The following TTC4 variants were observed in gnomAD, a reference collection of about 807,000 sequenced individuals.
The protein encoded by TTC4 is hsp70/Hsp90 co-chaperone CNS1 homolog.
TTC4 carries 36 observed loss-of-function variants against 51.9 expected under a neutral mutation model. The observed-to-expected ratio is 0.69, with a 90% CI of 0.53 to 0.92. The LOEUF is 0.92. Ranked by LOEUF, TTC4 falls within the 40% of genes least tolerant of loss-of-function variation. TTC4 has a pLI of 0.00. For missense variants in TTC4, 399 were observed against 454.6 expected (o/e 0.88, Z 1.11); for synonymous variants, 144 against 164.2 (o/e 0.88, Z 0.94).
Position 54,741,737 on chromosome 1 carries a change from C to T in TTC4, c.*224C>T. ...GTTGATATAAAACTCTGGGTCTTGGCCATGATGTCCTTGGACTCCATCGCT... is the reference window on the plus strand; with the variant it reads ...GTTGATATAAAACTCTGGGTCTTGGTCATGATGTCCTTGGACTCCATCGCT... On this transcript the variant is annotated 3_prime_UTR_variant, in exon 10 of 10. Coordinates refer to ENST00000371281, the MANE Select transcript of TTC4 (RefSeq NM_004623.5). The T allele has an allele frequency of 1.7e-6, 1 of 571,862 alleles. No individual in the cohort carries two copies. The highest frequency in any genetic ancestry group is 2.2e-5 in the South Asian group (1 of 45,944). The allele number at this position is 571,862 out of a possible 1,614,324, so 35.4% of individuals were successfully genotyped here.
chr1:54,733,743 ATTAATTTTTTTT>A (rs1243923909), intron 8 of TTC4, 33 bp downstream of exon 8: 6 of 1,121,742 alleles, frequency 5.3e-6, no homozygotes, highest in East Asian at 2.6e-5. Context: ...CCTCTATGGA[ATTAATTTTTTTT>A]TTTTTTTTTT....
intron 7 of TTC4, among the ~76,000 whole-genome samples, chr1:54,732,490 G>A (rs776868843): frequency 2.8e-4 from 41 of 146,538 alleles, no homozygotes; most frequent in Non-Finnish European, 3.3e-4. Context: ...ACCAAGTCTC[G>A]CTCTGTTGCC....
intron 1 of TTC4, 71 bp downstream of exon 1, chr1:54,716,090 G>C (rs959777508): frequency 4.8e-6 from 6 of 1,250,650 alleles, no homozygotes; most frequent in Non-Finnish European, 6.8e-6. Flanking sequence ...CGGGCTCTGG[G>C]GCACCTCCTT....
At chr1:54,736,213 A>T (rs1221626207) in intron 8 of TTC4, among the ~76,000 whole-genome samples, 2,542 of 102,698 alleles carry the variant, frequency 0.025, 294 homozygotes, top group East Asian at 0.08. Context: ...AGAGAGAGAG[A>T]GAGAGAGAGA....
At chr1:54,736,158 AGAGAGAAAGAAAGAAAG>A (rs1645929793) in intron 8 of TTC4, among the ~76,000 whole-genome samples, 2 of 138,412 alleles carry the variant, frequency 1.4e-5, no homozygotes, top group African/African-American at 3.0e-5. Flanking sequence ...GGGGAGAAAG[AGAGAGAAAGAAAGAAAG>A]GAGAGAGAGA....
rs537475373 is a variant in TTC4, at chr1:54,731,534, G to T, written c.730G>T (p.Ala244Ser). The T allele has an allele frequency of 1.9e-6, 3 of 1,614,008 alleles. No homozygotes were observed. The South Asian group carries it at 3.3e-5, about 18-fold the overall frequency. The change falls in exon 7 of 10, where the codon GCC becomes TCC. Residue 244 changes from alanine (A) to serine (S), a missense_variant. Ala to Ser is a moderately conservative substitution (Grantham distance 99). This residue lies in a region of TTC4 where 316 missense variants were observed against 349.6 expected (regional missense o/e 0.90). Coordinates refer to ENST00000371281, the MANE Select transcript of TTC4 (RefSeq NM_004623.5). ...SEAACEDEDS[A>S]SEGLGELFLD... is the part of the protein sequence containing the mutation. ...AGCTGCCTGTGAGGATGAAGATTCA[G>T]CCTCAGAAGGTCTAGGTGAGCTTTT...
intron 1 of TTC4, 126 bp downstream of exon 1, chr1:54,716,145 T>A: frequency 1.3e-6 from 1 of 782,636 alleles, no homozygotes; most frequent in South Asian, 1.7e-5. Flanking sequence ...TGGTTTCTAG[T>A]TGAGTATTGA....
chr1:54,716,969 T>C (rs1315158674), intron 2 of TTC4, among the ~76,000 whole-genome samples: 1 of 152,238 alleles, frequency 6.6e-6, no homozygotes, highest in Non-Finnish European at 1.5e-5. Flanking sequence ...GACAAACTTA[T>C]GCTATAAGTG....
intron 5 of TTC4, among the ~76,000 whole-genome samples, chr1:54,723,050 C>T (rs1035160280): frequency 6.6e-6 from 1 of 152,168 alleles, no homozygotes; most frequent in Non-Finnish European, 1.5e-5. Flanking sequence ...AATGATGGAA[C>T]TCCGTATATA....
chr1:54,732,058 G>A (rs955534063), intron 7 of TTC4, among the ~76,000 whole-genome samples: 4 of 152,048 alleles, frequency 2.6e-5, no homozygotes, highest in East Asian at 1.9e-4. Context: ...GAGGCTGGGC[G>A]CTGTGGCTTA....
chr1:54,740,015 G>A (rs557013810), intron 9 of TTC4, among the ~76,000 whole-genome samples: 123 of 152,236 alleles, frequency 8.1e-4, no homozygotes, highest in African/African-American at 2.8e-3. Flanking sequence ...GCGAGATCCC[G>A]TCTCTATAGA....
rs200034551 is a variant in TTC4 at position 54,737,553 on chromosome 1, T to C, written c.979-29T>C. The C allele has an allele frequency of 2.7e-3, 4,345 of 1,609,834 alleles. 14 individuals are homozygous for C. The highest frequency in any genetic ancestry group is 3.2e-3 in the Non-Finnish European group (3,810 of 1,177,364). ...CTAAGGCTGCCGAAGCCTTTATCTCTGACTCTTGCCCTTCTGTTAATCTTG... is the reference window on the plus strand; with the variant it reads ...CTAAGGCTGCCGAAGCCTTTATCTCCGACTCTTGCCCTTCTGTTAATCTTG... On this transcript the variant is annotated intron_variant, in intron 8 of 9. Coordinates refer to ENST00000371281, the MANE Select transcript of TTC4 (RefSeq NM_004623.5).
At chr1:54,740,716 G>C (rs1646000830) in intron 9 of TTC4, among the ~76,000 whole-genome samples, 1 of 152,104 alleles carries the variant, frequency 6.6e-6, no homozygotes, top group Non-Finnish European at 1.5e-5. Context: ...CCCAAAGCAG[G>C]CCCACTGAGT....
Position 54,741,543 on chromosome 1 carries a change from T to C in TTC4, c.*30T>C, listed in dbSNP as rs41297863. The stretch of plus-strand genomic sequence containing the variant: ...GCCAGGGCCCCTGGATCTCCTCCCT[T>C]ACCCTCCTCTGCTGGGAACCTAGCA... On this transcript the variant is annotated 3_prime_UTR_variant, in exon 10 of 10. Coordinates refer to ENST00000371281, the MANE Select transcript of TTC4 (RefSeq NM_004623.5). 0.073 allele frequency: 114,571 copies of C among 1,566,366 alleles called. 6,883 individuals are homozygous for C. Among genetic ancestry groups the C allele is most frequent in the African/African-American group, 0.27 (19,797 of 73,964 alleles).
chr1:54,736,195 AGAG>A (rs1557752787), intron 8 of TTC4, among the ~76,000 whole-genome samples: 1 of 131,622 alleles, frequency 7.6e-6, no homozygotes. Flanking sequence ...AGAGAGAGAG[AGAG>A]AGAGAGAGAG....
Position 54,741,545 on chromosome 1 carries a change from C to T in TTC4, c.*32C>T, listed in dbSNP as rs1470427940. 1.9e-6 allele frequency: 3 copies of T among 1,564,446 alleles called. No individual in the cohort carries two copies. Among genetic ancestry groups the T allele is most frequent in the African/African-American group, 2.7e-5 (2 of 73,760 alleles). On this transcript the variant is annotated 3_prime_UTR_variant, in exon 10 of 10. Coordinates refer to ENST00000371281, the MANE Select transcript of TTC4 (RefSeq NM_004623.5). ...CAGGGCCCCTGGATCTCCTCCCTTACCCTCCTCTGCTGGGAACCTAGCACA... is the reference window on the plus strand; with the variant it reads ...CAGGGCCCCTGGATCTCCTCCCTTATCCTCCTCTGCTGGGAACCTAGCACA...
intron 4 of TTC4, 38 bp from the exon 5 acceptor site, chr1:54,722,637 A>C: frequency 1.9e-6 from 3 of 1,606,356 alleles, no homozygotes; most frequent in Non-Finnish European, 2.5e-6. Flanking sequence ...CTTTCCATGC[A>C]TGTTTTTCTT....
Position 54,731,620 on chromosome 1 carries a change from C to T in TTC4, c.816C>T (p.Gly272=). ...HGARLSLDGQ[G]RLSWPVLFLY... ...CCAGGCTGAGTCTAGATGGCCAGGGCAGGCTGAGCTGGCCTGTGCTCTTTC... is the reference window on the plus strand; with the variant it reads ...CCAGGCTGAGTCTAGATGGCCAGGGTAGGCTGAGCTGGCCTGTGCTCTTTC... The change falls in exon 7 of 10, where the codon GGC becomes GGT. Residue 272 remains glycine, a synonymous_variant. Coordinates refer to ENST00000371281, the MANE Select transcript of TTC4 (RefSeq NM_004623.5). 1 of 1,614,114 alleles carries T rather than the reference C, an allele frequency of 6.2e-7. No individual in the cohort carries two copies. Among genetic ancestry groups the T allele is most frequent in the Non-Finnish European group, 8.5e-7 (1 of 1,180,032 alleles).
At chr1:54,719,896 C>CT (rs35056653) in intron 3 of TTC4, among the ~76,000 whole-genome samples, 1,867 of 135,744 alleles carry the variant, frequency 0.014, 33 homozygotes, top group African/African-American at 0.04. Context: ...ATGTTCCATA[C>CT]TTTTTTTTTT....
Sources: allele counts gnomAD v4.1 joint callset (sites outside exome capture counted in the v4.1 genomes callset), GRCh38; gene constraint gnomAD v4.1.1; regional missense constraint gnomAD v4.1.1; transcripts MANE v1.5; gene names NCBI Gene and HGNC (gene_info 2026-07-23, HGNC 2026-07-21).